Variants in CCDC148 observed in about 807,000 individuals in gnomAD.
CCDC148 encodes the protein coiled-coil domain containing 148.
Under a neutral mutation model 85.7 loss-of-function variants are expected in CCDC148, and 89 were observed. That is an observed-to-expected ratio of 1.04 (90% CI 0.87 to 1.24). CCDC148 has a LOEUF of 1.24. Ranked by LOEUF, CCDC148 falls within the 50% of genes most tolerant of loss-of-function variation. The probability of loss-of-function intolerance (pLI) is 0.00; values close to 1 mark genes in which losing one functional copy is unlikely to be tolerated. For missense variants in CCDC148, 692 were observed against 671.7 expected (o/e 1.03, Z -0.33); for synonymous variants, 230 against 213.9 (o/e 1.08, Z -0.66).
chr2:158,416,391 C>A (rs1026230516), intron 1 of CCDC148, among the ~76,000 whole-genome samples: 1 of 152,166 alleles, frequency 6.6e-6, no homozygotes, highest in African/African-American at 2.4e-5. Flanking sequence ...AGTTTCAGAT[C>A]ATCTCTGCTC....
intron 10 of CCDC148, among the ~76,000 whole-genome samples, chr2:158,225,537 T>C (rs967730701): frequency 6.6e-6 from 1 of 152,184 alleles, no homozygotes; most frequent in Non-Finnish European, 1.5e-5. Flanking sequence ...TATTTCAAAA[T>C]TGACCACATA....
At position 158,284,734 on chromosome 2, in the gene CCDC148, A is replaced by AT. The variant is rs560726895; in HGVS notation, c.1110+24698dup. ...TACATATCAAATTATTTCTGTGAGCATTTTTAATTCAATGTCTAGTAAATA... is the reference window on the plus strand; with the variant it reads ...TACATATCAAATTATTTCTGTGAGCATTTTTTAATTCAATGTCTAGTAAATA... On this transcript the variant is annotated intron_variant, in intron 9 of 13. Transcript: ENST00000283233. 2.8e-3 allele frequency among the ~76,000 whole-genome samples: 430 copies of AT among 152,342 alleles called. 3 individuals are homozygous for AT. Among genetic ancestry groups the AT allele is most frequent in the African/African-American group, 9.6e-3 (401 of 41,582 alleles).
chr2:158,364,508 A>T (rs902696563), intron 1 of CCDC148, among the ~76,000 whole-genome samples: 2 of 152,208 alleles, frequency 1.3e-5, no homozygotes, highest in Non-Finnish European at 2.9e-5. Context: ...ATAATGCCAC[A>T]CATCTAAAAC....
At chr2:158,402,922 T>A (rs1033917608) in intron 1 of CCDC148, among the ~76,000 whole-genome samples, 2 of 152,078 alleles carry the variant, frequency 1.3e-5, no homozygotes, top group Admixed American at 1.3e-4. Context: ...GAATAGAACA[T>A]GTCTCTAAGG....
chr2:158,342,283 G>A (rs1682755590), intron 3 of CCDC148, among the ~76,000 whole-genome samples: 2 of 151,964 alleles, frequency 1.3e-5, no homozygotes, highest in South Asian at 4.1e-4. Flanking sequence ...ACCTGCCTTG[G>A]CCTCCCAAAG....
At chr2:158,280,996 T>C (rs1442871018) in intron 9 of CCDC148, among the ~76,000 whole-genome samples, 1 of 152,114 alleles carries the variant, frequency 6.6e-6, no homozygotes, top group African/African-American at 2.4e-5. Context: ...CTCAACTACA[T>C]GGAAACTGAA....
rs77939055 is a variant in CCDC148 at position 158,435,856 on chromosome 2, G to A, written c.25+20559C>T. On this transcript the variant is annotated intron_variant, in intron 1 of 13. Coordinates refer to ENST00000283233, the MANE Select transcript of CCDC148 (RefSeq NM_138803.4). The stretch of plus-strand genomic sequence containing the variant: ...TCTCTGATAAAACAGACTTTGAACC[G>A]ACAAAGATCAAAAGAGACAAAGAAG... 4.3e-4 allele frequency among the ~76,000 whole-genome samples: 66 copies of A among 152,114 alleles called. No homozygotes were observed. In the East Asian group the frequency reaches 4.6e-3, roughly 11 times the overall value.
chr2:158,451,581 T>G (rs2105350705), intron 1 of CCDC148, among the ~76,000 whole-genome samples: 1 of 152,248 alleles, frequency 6.6e-6, no homozygotes, highest in East Asian at 1.9e-4. Flanking sequence ...GGCAAAATGA[T>G]TCTACCCTGA....
chr2:158,409,537 T>TAA (rs1378502492), intron 1 of CCDC148, among the ~76,000 whole-genome samples: 3 of 152,192 alleles, frequency 2.0e-5, no homozygotes, highest in Non-Finnish European at 4.4e-5. Context: ...TAAATGGCTG[T>TAA]ATTTATCCAA....
At chr2:158,179,407 T>A (rs1042372194) in intron 11 of CCDC148, among the ~76,000 whole-genome samples, 4 of 152,034 alleles carry the variant, frequency 2.6e-5, no homozygotes, top group African/African-American at 4.8e-5. Context: ...TCCGCCTGCC[T>A]TGGCCACCCA....
At chr2:158,280,432 A>T (rs1246720696) in intron 9 of CCDC148, among the ~76,000 whole-genome samples, 1 of 152,206 alleles carries the variant, frequency 6.6e-6, no homozygotes, top group Non-Finnish European at 1.5e-5. Flanking sequence ...ATGGAGGAAG[A>T]TGTACCAAGC....
intron 9 of CCDC148, among the ~76,000 whole-genome samples, chr2:158,291,463 T>C (rs1476258950): frequency 6.6e-6 from 1 of 152,204 alleles, no homozygotes; most frequent in Non-Finnish European, 1.5e-5. Context: ...TCCTGGAACA[T>C]TGTTTCTGAT....
At chr2:158,311,543 A>G (rs943447512) in intron 8 of CCDC148, among the ~76,000 whole-genome samples, 2 of 152,174 alleles carry the variant, frequency 1.3e-5, no homozygotes, top group South Asian at 4.1e-4. Context: ...GAGGGAGGAG[A>G]GGGAGAGCTA....
At position 158,394,242 on chromosome 2, in the gene CCDC148, G is replaced by A. The variant is rs986724670; in HGVS notation, c.26-35672C>T. ...TCCTAGAAAATTCAGAAATTGCAGAGAGACAGTGTATTATAGTAAGGCAAA... is the reference window on the plus strand; with the variant it reads ...TCCTAGAAAATTCAGAAATTGCAGAAAGACAGTGTATTATAGTAAGGCAAA... On this transcript the variant is annotated intron_variant, in intron 1 of 13. Coordinates refer to ENST00000283233, the MANE Select transcript of CCDC148 (RefSeq NM_138803.4). Among the ~76,000 whole-genome samples, 13 of 152,058 alleles carry A rather than the reference G, an allele frequency of 8.5e-5. 1 individual carries two copies. The highest frequency in any genetic ancestry group is 1.2e-4 in the Non-Finnish European group (8 of 68,018).
At chr2:158,259,818 C>T (rs1207342635) in intron 9 of CCDC148, among the ~76,000 whole-genome samples, 2 of 151,880 alleles carry the variant, frequency 1.3e-5, no homozygotes, top group Non-Finnish European at 2.9e-5. Flanking sequence ...CTTTCCTCCC[C>T]ACTCCTACAC....
At chr2:158,231,080 C>A (rs1367206980) in intron 10 of CCDC148, among the ~76,000 whole-genome samples, 1 of 152,078 alleles carries the variant, frequency 6.6e-6, no homozygotes, top group East Asian at 1.9e-4. Context: ...CATCTGAAGG[C>A]ACAGATGGGT....
At chr2:158,424,132 G>C (rs1017469864) in intron 1 of CCDC148, among the ~76,000 whole-genome samples, 1 of 152,190 alleles carries the variant, frequency 6.6e-6, no homozygotes, top group Non-Finnish European at 1.5e-5. Flanking sequence ...CTGTAAACTA[G>C]TTCAACCATT....
At chr2:158,234,379 C>T (rs929281270) in intron 10 of CCDC148, among the ~76,000 whole-genome samples, 1 of 152,198 alleles carries the variant, frequency 6.6e-6, no homozygotes, top group Admixed American at 6.6e-5. Flanking sequence ...GTTTCAGCTA[C>T]TTATCAGTGC....
chr2:158,275,124 C>A (rs924249284), intron 9 of CCDC148, among the ~76,000 whole-genome samples: 2 of 152,220 alleles, frequency 1.3e-5, no homozygotes, highest in African/African-American at 4.8e-5. Flanking sequence ...TCCCCTTCAT[C>A]CCTACTTCCT....
Sources: gnomAD v4.1 joint callset for allele counts (sites outside exome capture counted in the v4.1 genomes callset) on GRCh38, gnomAD v4.1.1 for gene constraint, MANE v1.5 for transcripts, NCBI Gene and HGNC (gene_info 2026-07-23, HGNC 2026-07-21) for gene names.